CTNNA2: variants seen among roughly 807,000 people sequenced by gnomAD.
CTNNA2 encodes the protein catenin alpha 2, also known as catenin alpha-2.
Under a neutral mutation model 101.0 loss-of-function variants are expected in CTNNA2, and 42 were observed. The observed-to-expected ratio is 0.42, with a 90% CI of 0.32 to 0.54. The LOEUF is 0.54. CTNNA2 is among the 20% of genes least tolerant of loss of function. The pLI, the probability that CTNNA2 is intolerant of heterozygous loss-of-function variation, is 0.14. For missense variants in CTNNA2, 871 were observed against 1,223.1 expected, an observed-to-expected ratio of 0.71 and a Z score of 4.29; for synonymous variants, 450 against 456.4, an observed-to-expected ratio of 0.99 and a Z score of 0.18.
At chr2:80,178,099 G>A (rs1394117033) in intron 7 of CTNNA2, among the ~76,000 whole-genome samples, 2 of 152,196 alleles carry the variant, frequency 1.3e-5, no homozygotes, top group African/African-American at 2.4e-5. Context: ...TATCCATGAG[G>A]CCATCAGTGC....
intron 7 of CTNNA2, chr2:80,328,468 G>C (rs938951677): frequency 2.2e-6 from 1 of 447,410 alleles, no homozygotes; most frequent in Non-Finnish European, 4.7e-6. Flanking sequence ...GAATAGATTT[G>C]GAGCAGTCAT....
chr2:79,690,969 T>G (rs996694706), intron 2 of CTNNA2, among the ~76,000 whole-genome samples: 2 of 152,024 alleles, frequency 1.3e-5, no homozygotes, highest in African/African-American at 2.4e-5. Context: ...TGATATCATA[T>G]GTAATAAGAA....
At chr2:79,399,130 G>A (rs1425067050) in intron 4 of CTNNA2, among the ~76,000 whole-genome samples, 1 of 152,116 alleles carries the variant, frequency 6.6e-6, no homozygotes, top group East Asian at 1.9e-4. Flanking sequence ...AGCCATACTA[G>A]AAGGGCATTT....
chr2:79,732,768 A>G, intron 2 of CTNNA2, among the ~76,000 whole-genome samples: 1 of 152,116 alleles, frequency 6.6e-6, no homozygotes, highest in African/African-American at 2.4e-5. Context: ...CATAATATCT[A>G]AATGGGTCTT....
rs77338907 is a variant in CTNNA2 at position 79,304,109 on chromosome 2, C to T, written c.-405-8600C>T. On this transcript the variant is annotated intron_variant, in intron 2 of 21. Coordinates refer to the CTNNA2 transcript ENST00000466387. Reference sequence around the variant, plus strand: ...GTAGCATGTATCTAGCTGTCCTTTACGGATGTGGTCACTAGGAGCTGGTTG... The same window carrying T: ...GTAGCATGTATCTAGCTGTCCTTTATGGATGTGGTCACTAGGAGCTGGTTG... Among the ~76,000 whole-genome samples, 952 of 152,122 alleles carry T rather than the reference C, an allele frequency of 6.3e-3. 12 individuals are homozygous for T. Among genetic ancestry groups the T allele is most frequent in the East Asian group, 0.062 (317 of 5,130 alleles).
intron 7 of CTNNA2, among the ~76,000 whole-genome samples, chr2:80,331,047 C>G (rs541067283): frequency 1.7e-4 from 26 of 148,904 alleles, no homozygotes; most frequent in Admixed American, 2.7e-4. Context: ...TTTCCTTCCC[C>G]GGCTGCATCC....
At chr2:80,441,611 A>T (rs1682582993) in intron 9 of CTNNA2, among the ~76,000 whole-genome samples, 1 of 152,212 alleles carries the variant, frequency 6.6e-6, no homozygotes, top group African/African-American at 2.4e-5. Flanking sequence ...GATCTCCGTG[A>T]CTTCTGTTTT....
At chr2:79,783,013 A>G (rs1393019524) in intron 3 of CTNNA2, among the ~76,000 whole-genome samples, 1 of 149,764 alleles carries the variant, frequency 6.7e-6, no homozygotes, top group Non-Finnish European at 1.5e-5. Flanking sequence ...TTTCTAGTTA[A>G]TTCCCCTAAT....
At chr2:80,568,478 C>G (rs547496592) in intron 12 of CTNNA2, among the ~76,000 whole-genome samples, 2 of 152,210 alleles carry the variant, frequency 1.3e-5, no homozygotes, top group African/African-American at 2.4e-5. Flanking sequence ...TGGTCTCTGC[C>G]TGAAGGCGAT....
intron 7 of CTNNA2, among the ~76,000 whole-genome samples, chr2:80,385,021 G>T (rs1402225482): frequency 1.3e-5 from 2 of 151,976 alleles, no homozygotes; most frequent in African/African-American, 4.8e-5. Flanking sequence ...GATTCAGGAG[G>T]CCAAGTGTGT....
At chr2:80,528,973 G>A (rs1486861825) in intron 9 of CTNNA2, among the ~76,000 whole-genome samples, 4 of 152,270 alleles carry the variant, frequency 2.6e-5, no homozygotes, top group Middle Eastern at 3.4e-3. Context: ...ATTAAGAGAT[G>A]AGAAATAAAA....
chr2:79,381,761 A>G (rs1292141064), intron 4 of CTNNA2, among the ~76,000 whole-genome samples: 1 of 152,134 alleles, frequency 6.6e-6, no homozygotes, highest in African/African-American at 2.4e-5. Context: ...GGCATAATAG[A>G]TTGCTCAACA....
At chr2:79,606,675 A>C (rs1247711594) in intron 1 of CTNNA2, among the ~76,000 whole-genome samples, 1 of 152,250 alleles carries the variant, frequency 6.6e-6, no homozygotes, top group Non-Finnish European at 1.5e-5. Context: ...TAGAAATGTC[A>C]GTGCCCTATT....
At chr2:80,333,335 G>C (rs1015210246) in intron 7 of CTNNA2, among the ~76,000 whole-genome samples, 2 of 152,138 alleles carry the variant, frequency 1.3e-5, no homozygotes, top group Non-Finnish European at 1.5e-5. Context: ...ATCTCATGGT[G>C]GATCCTGCGT....
intron 2 of CTNNA2, among the ~76,000 whole-genome samples, chr2:79,722,277 A>G (rs539326766): frequency 6.6e-6 from 1 of 152,316 alleles, no homozygotes; most frequent in Admixed American, 6.5e-5. Context: ...TAAGCCAAAT[A>G]TGAAAATGGG....
chr2:79,334,769 A>G (rs138745054), intron 3 of CTNNA2, among the ~76,000 whole-genome samples: 9 of 152,282 alleles, frequency 5.9e-5, no homozygotes, highest in African/African-American at 2.2e-4. Flanking sequence ...AATGCAAATC[A>G]TTGCACCCTT....
intron 9 of CTNNA2, among the ~76,000 whole-genome samples, chr2:80,453,131 A>G (rs746977034): frequency 2.6e-5 from 4 of 152,088 alleles, no homozygotes; most frequent in Non-Finnish European, 5.9e-5. Flanking sequence ...CCAAGCATAG[A>G]GCAAGCATGG....
chr2:80,299,491 C>T (rs1676053313), intron 7 of CTNNA2: 1 of 152,128 alleles, frequency 6.6e-6, no homozygotes, highest in South Asian at 2.1e-4. Flanking sequence ...CATACAGACA[C>T]ACACACAAAG....
intron 1 of CTNNA2, among the ~76,000 whole-genome samples, chr2:79,620,173 A>G (rs1678903476): frequency 1.3e-5 from 2 of 152,196 alleles, no homozygotes; most frequent in Non-Finnish European, 2.9e-5. Flanking sequence ...CCATCACCCA[A>G]GAATAATTTC....
Sources: gnomAD v4.1 joint callset for allele counts (sites outside exome capture counted in the v4.1 genomes callset) on GRCh38, gnomAD v4.1.1 for gene constraint, MANE v1.5 for transcripts, NCBI Gene and HGNC (gene_info 2026-07-23, HGNC 2026-07-21) for gene names.